The following CTNNA3 variants were observed in gnomAD, a reference collection of about 807,000 sequenced individuals.
The protein encoded by CTNNA3 is catenin alpha 3.
In CTNNA3, 76 loss-of-function variants were observed where a neutral mutation model predicts 95.7. That is an observed-to-expected ratio of 0.79 (90% CI 0.66 to 0.96). The LOEUF (loss-of-function observed/expected upper bound fraction) is 0.96, where lower values mean the gene tolerates loss of function less well. Among genes scored for constraint, CTNNA3 ranks in the 40% least tolerant of loss-of-function variants. The pLI, the probability that CTNNA3 is intolerant of heterozygous loss-of-function variation, is 0.00. For missense variants in CTNNA3, 1,191 were observed against 1,089.8 expected, an observed-to-expected ratio of 1.09 and a Z score of -1.31; for synonymous variants, 431 against 374.4, an observed-to-expected ratio of 1.15 and a Z score of -1.74.
chr10:67,292,419 C>A (rs564846363), intron 5 of CTNNA3, among the ~76,000 whole-genome samples: 1 of 152,060 alleles, frequency 6.6e-6, no homozygotes, highest in South Asian at 2.1e-4. Context: ...CGAGTCCCAA[C>A]AAAGTAAAGT....
At chr10:66,753,322 C>G (rs1249380795) in intron 9 of CTNNA3, among the ~76,000 whole-genome samples, 2 of 152,078 alleles carry the variant, frequency 1.3e-5, no homozygotes, top group Admixed American at 1.3e-4. Flanking sequence ...CACACAGCAA[C>G]AATTAGAGCT....
At chr10:66,820,543 T>C (rs1334217854) in intron 7 of CTNNA3, among the ~76,000 whole-genome samples, 2 of 151,716 alleles carry the variant, frequency 1.3e-5, no homozygotes, top group Non-Finnish European at 2.9e-5. Context: ...TATATACATA[T>C]GTCATGGACA....
intron 3 of CTNNA3, among the ~76,000 whole-genome samples, chr10:67,589,349 A>G (rs1842727784): frequency 6.6e-6 from 1 of 152,138 alleles, no homozygotes. Flanking sequence ...ATTTTTATAT[A>G]CCCAGGGCCC....
At chr10:65,922,843 A>G (rs2077111140) in intron 17 of CTNNA3, among the ~76,000 whole-genome samples, 1 of 152,180 alleles carries the variant, frequency 6.6e-6, no homozygotes, top group Admixed American at 6.5e-5. Flanking sequence ...TAATTGACTC[A>G]CAGTTCTGCA....
chr10:67,151,910 C>CA (rs1231284261), intron 7 of CTNNA3, among the ~76,000 whole-genome samples: 1 of 152,194 alleles, frequency 6.6e-6, no homozygotes, highest in Non-Finnish European at 1.5e-5. Flanking sequence ...CATGCTGTGT[C>CA]ATCCCCTTTC....
At chr10:66,983,796 G>A (rs1472720438) in intron 7 of CTNNA3, among the ~76,000 whole-genome samples, 1 of 152,148 alleles carries the variant, frequency 6.6e-6, no homozygotes, top group Non-Finnish European at 1.5e-5. Flanking sequence ...AAATTTTGCT[G>A]TTAAAATGTA....
intron 7 of CTNNA3, among the ~76,000 whole-genome samples, chr10:67,111,861 A>G (rs1858926191): frequency 6.6e-6 from 1 of 152,096 alleles, no homozygotes; most frequent in Non-Finnish European, 1.5e-5. Context: ...GCTTCTCATC[A>G]TAGCAAATCC....
intron 5 of CTNNA3, among the ~76,000 whole-genome samples, chr10:67,386,573 T>A (rs1844175132): frequency 6.6e-6 from 1 of 151,906 alleles, no homozygotes; most frequent in Non-Finnish European, 1.5e-5. Context: ...AGACTGACAA[T>A]AGATCCTAGG....
chr10:66,231,502 T>C (rs1378350777), intron 13 of CTNNA3, among the ~76,000 whole-genome samples: 1 of 152,076 alleles, frequency 6.6e-6, no homozygotes, highest in Non-Finnish European at 1.5e-5. Context: ...AATATGGAGG[T>C]TTAAGATTGT....
intron 11 of CTNNA3, among the ~76,000 whole-genome samples, chr10:66,471,684 T>A (rs185044679): frequency 1.3e-3 from 190 of 151,998 alleles, no homozygotes; most frequent in African/African-American, 4.4e-3. Flanking sequence ...TGACATCACA[T>A]ATAAAGGTCG....
chr10:66,131,126 T>A (rs2083079292), intron 13 of CTNNA3, among the ~76,000 whole-genome samples: 1 of 150,042 alleles, frequency 6.7e-6, no homozygotes, highest in African/African-American at 2.5e-5. Flanking sequence ...CATAGCTGAA[T>A]TCTACCAGAC....
intron 11 of CTNNA3, among the ~76,000 whole-genome samples, chr10:66,444,825 C>CTA (rs1318888822): frequency 6.6e-6 from 1 of 151,718 alleles, no homozygotes; most frequent in African/African-American, 2.4e-5. Flanking sequence ...ACACATAACA[C>CTA]TTAACTTTAA....
At chr10:66,835,875 G>A (rs1173380062) in intron 7 of CTNNA3, among the ~76,000 whole-genome samples, 1 of 152,088 alleles carries the variant, frequency 6.6e-6, no homozygotes, top group Non-Finnish European at 1.5e-5. Context: ...ACCCCAAGAG[G>A]GTGATTTAGT....
At chr10:66,294,704 C>T (rs1460589693) in intron 12 of CTNNA3, among the ~76,000 whole-genome samples, 1 of 151,962 alleles carries the variant, frequency 6.6e-6, no homozygotes, top group Non-Finnish European at 1.5e-5. Context: ...GGAGGTAATG[C>T]AAAGGAAGAA....
At chr10:66,770,154 T>C (rs1210771683) in intron 8 of CTNNA3, among the ~76,000 whole-genome samples, 5 of 152,206 alleles carry the variant, frequency 3.3e-5, no homozygotes, top group Non-Finnish European at 5.9e-5. Flanking sequence ...GAGACAGGAC[T>C]AGAAATGTAG....
At chr10:66,330,439 T>A (rs1274641420) in intron 12 of CTNNA3, among the ~76,000 whole-genome samples, 2 of 149,552 alleles carry the variant, frequency 1.3e-5, no homozygotes. Flanking sequence ...ATGGTGTATA[T>A]GTGCCACATT....
chr10:67,316,426 G>A (rs1375969802), intron 5 of CTNNA3, among the ~76,000 whole-genome samples: 1 of 152,078 alleles, frequency 6.6e-6, no homozygotes, highest in Non-Finnish European at 1.5e-5. Context: ...AGTACAAACA[G>A]AAATATTCTA....
At chr10:66,211,163 A>G (rs2088129180) in intron 13 of CTNNA3, among the ~76,000 whole-genome samples, 1 of 152,226 alleles carries the variant, frequency 6.6e-6, no homozygotes, top group African/African-American at 2.4e-5. Context: ...CCATCAACAC[A>G]GGAAAAGACA....
intron 9 of CTNNA3, among the ~76,000 whole-genome samples, chr10:66,623,298 G>C (rs983355500): frequency 2.0e-4 from 31 of 151,990 alleles, no homozygotes; most frequent in African/African-American, 7.5e-4. Flanking sequence ...GGCTCAATGT[G>C]GTCAAATTAG....
Sources: gnomAD v4.1 joint callset for allele counts (sites outside exome capture counted in the v4.1 genomes callset) on GRCh38, gnomAD v4.1.1 for gene constraint, MANE v1.5 for transcripts, NCBI Gene and HGNC (gene_info 2026-07-23, HGNC 2026-07-21) for gene names.